Variants in PDE4D observed in about 807,000 individuals in gnomAD.
The protein encoded by PDE4D is phosphodiesterase 4D, also known as 3',5'-cyclic-AMP phosphodiesterase 4D.
A neutral mutation model predicts 87.4 loss-of-function variants in PDE4D; 24 were observed. The observed-to-expected ratio is 0.27, with a 90% CI of 0.20 to 0.39. PDE4D has a LOEUF of 0.39. PDE4D is among the 10% of genes least tolerant of loss of function. The pLI is 1.00. For synonymous variants in PDE4D, 384 were observed against 383.2 expected, an observed-to-expected ratio of 1.00 and a Z score of -0.02; for missense variants, 714 against 1,041.0, an observed-to-expected ratio of 0.69 and a Z score of 4.32.
At chr5:59,638,838 A>G (rs1741056062) in intron 1 of PDE4D, among the ~76,000 whole-genome samples, 1 of 152,190 alleles carries the variant, frequency 6.6e-6, no homozygotes, top group South Asian at 2.1e-4. Flanking sequence ...GATGTCCTGA[A>G]GCCCCCAGTT....
At chr5:60,076,634 G>A (rs1582529798) in intron 2 of PDE4D, among the ~76,000 whole-genome samples, 2 of 151,930 alleles carry the variant, frequency 1.3e-5, no homozygotes, top group East Asian at 3.9e-4. Flanking sequence ...CTAACCCTGG[G>A]GGACTGGTAT....
At chr5:59,090,420 T>C (rs1443894112) in intron 5 of PDE4D, among the ~76,000 whole-genome samples, 2 of 152,116 alleles carry the variant, frequency 1.3e-5, no homozygotes, top group Non-Finnish European at 2.9e-5. Flanking sequence ...GAGATATGTT[T>C]CCTCCCGTGA....
intron 1 of PDE4D, among the ~76,000 whole-genome samples, chr5:59,792,194 A>T (rs537645385): frequency 2.0e-4 from 30 of 152,302 alleles, no homozygotes; most frequent in Middle Eastern, 6.8e-3. Context: ...ACTAAGATTA[A>T]TTAAGGATGG....
chr5:59,992,303 TAC>T (rs1763088985), intron 2 of PDE4D, among the ~76,000 whole-genome samples: 1 of 152,220 alleles, frequency 6.6e-6, no homozygotes, highest in Non-Finnish European at 1.5e-5. Context: ...ACTGCCACTT[TAC>T]TTACTTTTGA....
At chr5:59,247,175 C>G (rs745828243) in intron 1 of PDE4D, among the ~76,000 whole-genome samples, 1 of 150,070 alleles carries the variant, frequency 6.7e-6, no homozygotes, top group Non-Finnish European at 1.5e-5. Context: ...CAGTTAGTAA[C>G]TGTAAAGGAG....
chr5:59,600,079 C>T (rs933877003), intron 1 of PDE4D, among the ~76,000 whole-genome samples: 3 of 152,152 alleles, frequency 2.0e-5, no homozygotes, highest in African/African-American at 7.2e-5. Flanking sequence ...ACCAGCACCC[C>T]CATCAAGGCC....
chr5:59,876,535 C>G (rs1748632556), intron 1 of PDE4D, among the ~76,000 whole-genome samples: 2 of 152,128 alleles, frequency 1.3e-5, no homozygotes, highest in Admixed American at 6.6e-5. Context: ...ATAATATCAA[C>G]CTATTTATTC....
chr5:60,224,242 T>A (rs1016059519), intron 1 of PDE4D, among the ~76,000 whole-genome samples: 2 of 152,094 alleles, frequency 1.3e-5, no homozygotes, highest in African/African-American at 4.8e-5. Context: ...TGAGTTCTTC[T>A]CTGACCAAAA....
intron 5 of PDE4D, among the ~76,000 whole-genome samples, chr5:59,118,983 T>A (rs1038193660): frequency 2.0e-5 from 3 of 151,960 alleles, no homozygotes; most frequent in African/African-American, 7.3e-5. Flanking sequence ...GGATACAATT[T>A]AAACTGTTTT....
chr5:59,132,956 A>G (rs35728243), intron 5 of PDE4D, among the ~76,000 whole-genome samples: 16,105 of 152,232 alleles, frequency 0.11, 1,281 homozygotes, highest in East Asian at 0.28. Context: ...TTCTTTTGCT[A>G]ACATTAGCAT....
chr5:59,525,738 T>C (rs1279916379), intron 1 of PDE4D, among the ~76,000 whole-genome samples: 1 of 152,192 alleles, frequency 6.6e-6, no homozygotes. Flanking sequence ...GATTAGATCA[T>C]GGGAGCAGAT....
At chr5:59,730,692 C>G (rs1425136298) in intron 1 of PDE4D, among the ~76,000 whole-genome samples, 1 of 152,066 alleles carries the variant, frequency 6.6e-6, no homozygotes, top group East Asian at 1.9e-4. Flanking sequence ...TTAATTTCAA[C>G]ACTCCTTGAT....
intron 1 of PDE4D, among the ~76,000 whole-genome samples, chr5:59,228,896 T>C (rs1455738586): frequency 6.6e-6 from 1 of 152,144 alleles, no homozygotes. Context: ...TGCAGTTCTC[T>C]TTGCCTGGCA....
chr5:59,895,361 G>GT (rs1167819397), upstream of PDE4D, among the ~76,000 whole-genome samples: 2 of 152,184 alleles, frequency 1.3e-5, no homozygotes, highest in Non-Finnish European at 2.9e-5. Context: ...TCCTCCATCA[G>GT]TTTAATATGA....
At chr5:59,378,835 T>A (rs535441608) in intron 1 of PDE4D, among the ~76,000 whole-genome samples, 1 of 152,242 alleles carries the variant, frequency 6.6e-6, no homozygotes, top group South Asian at 2.1e-4. Flanking sequence ...CAGGAAAAAG[T>A]CCAAGTTAGC....
intron 1 of PDE4D, among the ~76,000 whole-genome samples, chr5:60,366,696 C>T (rs1760576946): frequency 6.6e-6 from 1 of 152,196 alleles, no homozygotes; most frequent in Non-Finnish European, 1.5e-5. Flanking sequence ...CCAAGTGTGG[C>T]TGCCGTTCTG....
chr5:59,410,075 C>A (rs556810437), intron 1 of PDE4D, among the ~76,000 whole-genome samples: 1 of 152,258 alleles, frequency 6.6e-6, no homozygotes, highest in South Asian at 2.1e-4. Context: ...GTGTTACAAA[C>A]ATTCCAATTA....
intron 5 of PDE4D, among the ~76,000 whole-genome samples, chr5:59,070,976 G>A (rs1288350846): frequency 2.6e-5 from 4 of 152,108 alleles, no homozygotes; most frequent in Admixed American, 6.5e-5. Flanking sequence ...TGGTGAGCAC[G>A]TTTTCCAGTA....
chr5:59,253,243 T>G (rs1760327202), intron 1 of PDE4D, among the ~76,000 whole-genome samples: 2 of 152,288 alleles, frequency 1.3e-5, no homozygotes, highest in South Asian at 4.1e-4. Flanking sequence ...TACTGTCTTT[T>G]CCTTTAAAAT....
Sources: gnomAD v4.1 joint callset for allele counts (sites outside exome capture counted in the v4.1 genomes callset) on GRCh38, gnomAD v4.1.1 for gene constraint, MANE v1.5 for transcripts, NCBI Gene and HGNC (gene_info 2026-07-23, HGNC 2026-07-21) for gene names.